The following ADAM7 variants were observed in gnomAD, a reference collection of about 807,000 sequenced individuals.
The protein encoded by ADAM7 is ADAM metallopeptidase domain 7, also known as disintegrin and metalloproteinase domain-containing protein 7.
A neutral mutation model predicts 102.9 loss-of-function variants in ADAM7; 97 were observed. That is an observed-to-expected ratio of 0.94 (90% CI 0.80 to 1.12). The LOEUF is 1.12. Ranked by LOEUF, ADAM7 falls within the 50% of genes most tolerant of loss-of-function variation. ADAM7 has a pLI of 0.00. For synonymous variants in ADAM7, 334 were observed against 304.4 expected, an observed-to-expected ratio of 1.10 and a Z score of -1.01; for missense variants, 991 against 908.7, an observed-to-expected ratio of 1.09 and a Z score of -1.16.
intron 3 of ADAM7, among the ~76,000 whole-genome samples, chr8:24,457,357 C>T (rs1411410074): frequency 6.6e-6 from 1 of 152,028 alleles, no homozygotes; most frequent in Non-Finnish European, 1.5e-5. Context: ...CTCACTGCAA[C>T]CTCTGCCTCC....
chr8:24,469,905 C>T (rs1819549103), intron 7 of ADAM7, among the ~76,000 whole-genome samples: 1 of 151,942 alleles, frequency 6.6e-6, no homozygotes, highest in Non-Finnish European at 1.5e-5. Flanking sequence ...AGAGAAACCA[C>T]CATTTCTCCA....
chr8:24,468,867 C>A, intron 7 of ADAM7, 47 bp downstream of exon 7: 2 of 1,511,416 alleles, frequency 1.3e-6, no homozygotes, highest in Non-Finnish European at 1.8e-6. Context: ...CCTTTTGGAA[C>A]TTGTAGTTAT....
At chr8:24,446,680 A>C (rs1818570014) in intron 2 of ADAM7, among the ~76,000 whole-genome samples, 1 of 151,958 alleles carries the variant, frequency 6.6e-6, no homozygotes, top group Admixed American at 6.6e-5. Context: ...TGCAAAGTAG[A>C]CGAAAAAACA....
chr8:24,452,463 G>A (rs1204098001), intron 3 of ADAM7, among the ~76,000 whole-genome samples: 2 of 151,016 alleles, frequency 1.3e-5, no homozygotes, highest in African/African-American at 4.9e-5. Flanking sequence ...TCAGAGACTA[G>A]GATTGCAACC....
At chr8:24,475,319 C>CA (rs1239205184) in intron 7 of ADAM7, among the ~76,000 whole-genome samples, 1 of 152,096 alleles carries the variant, frequency 6.6e-6, no homozygotes, top group East Asian at 1.9e-4. Flanking sequence ...TTTTATCAAT[C>CA]AATCAATGGA....
At chr8:24,497,331 T>G (rs1193470557) in intron 16 of ADAM7, among the ~76,000 whole-genome samples, 1 of 152,198 alleles carries the variant, frequency 6.6e-6, no homozygotes, top group Non-Finnish European at 1.5e-5. Context: ...GTTGAAAGAT[T>G]TCCTCCTTTA....
intron 3 of ADAM7, among the ~76,000 whole-genome samples, chr8:24,450,809 T>G (rs2129375062): frequency 6.6e-6 from 1 of 152,306 alleles, no homozygotes; most frequent in African/African-American, 2.4e-5. Context: ...CTCTTATTAT[T>G]TTGAGATACA....
In ADAM7 at chr8:24,496,093, G is replaced by T. The variant is rs528598930; in HGVS notation, c.1842+2864G>T. ...CGTGCTGTGTGCAGTTTAGGGACTT[G>T]GTGCCCTGAGTCCCAGCCACTCCAG... On this transcript the variant is annotated intron_variant, in intron 16 of 21. Coordinates refer to ENST00000175238, the MANE Select transcript of ADAM7 (RefSeq NM_003817.4). 6.6e-4 allele frequency among the ~76,000 whole-genome samples: 100 copies of T among 152,298 alleles called. 1 individual carries two copies. Among genetic ancestry groups the T allele is most frequent in the African/African-American group, 2.3e-3 (97 of 41,560 alleles).
chr8:24,489,143 C>G lies in ADAM7; in HGVS notation c.1092-16C>G. 6.3e-7 allele frequency: 1 copy of G among 1,589,896 alleles called. No individual in the cohort carries two copies. Among genetic ancestry groups the G allele is most frequent in the Non-Finnish European group, 8.6e-7 (1 of 1,168,886 alleles). Reference sequence around the variant, plus strand: ...TGATATGATTAATCTTTATTTTTACCTCATTCTATCTCTAGCATTCCTGCA... The same window carrying G: ...TGATATGATTAATCTTTATTTTTACGTCATTCTATCTCTAGCATTCCTGCA... On this transcript the variant is annotated splice_polypyrimidine_tract_variant and intron_variant, in intron 11 of 21. Transcript: ENST00000175238.
At chr8:24,469,747 A>G (rs1259748718) in intron 7 of ADAM7, among the ~76,000 whole-genome samples, 1 of 152,180 alleles carries the variant, frequency 6.6e-6, no homozygotes, top group African/African-American at 2.4e-5. Context: ...TGAAATGACT[A>G]GAAAAGACTG....
At chr8:24,453,723 C>T (rs545292898) in intron 3 of ADAM7, among the ~76,000 whole-genome samples, 8 of 152,318 alleles carry the variant, frequency 5.3e-5, no homozygotes, top group South Asian at 2.1e-4. Flanking sequence ...GGAGGAGAGG[C>T]GCTCTCCTTT....
chr8:24,499,117 T>C, intron 16 of ADAM7, 119 bp from the exon 17 acceptor site: 1 of 693,872 alleles, frequency 1.4e-6, no homozygotes, highest in Non-Finnish European at 2.3e-6. Flanking sequence ...TCATGTAAAT[T>C]GAAATTTTTC....
chr8:24,475,925 C>A, intron 7 of ADAM7: 2 of 456,448 alleles, frequency 4.4e-6, no homozygotes, highest in Non-Finnish European at 8.8e-6. Context: ...GTAGCTATTT[C>A]CTGGAGGGAA....
In ADAM7 at chr8:24,500,785, T is replaced by A. The variant is rs868440798; in HGVS notation, c.2003-5T>A. ...CGATGAAGCCCATGTTTCTTCATGT[T>A]GCAGATATCACCATCTTGGTTGTTG... On this transcript the variant is annotated splice_region_variant and splice_polypyrimidine_tract_variant and intron_variant, in intron 18 of 21. Coordinates refer to ENST00000175238, the MANE Select transcript of ADAM7 (RefSeq NM_003817.4). The A allele has an allele frequency of 6.2e-7, 1 of 1,610,866 alleles. No individual in the cohort carries two copies. Among genetic ancestry groups the A allele is most frequent in the Middle Eastern group, 1.7e-4 (1 of 6,048 alleles).
chr8:24,502,942 A>G lies in ADAM7; in HGVS notation c.2208+1366A>G, dbSNP rs145185548. On this transcript the variant is annotated intron_variant, in intron 20 of 21. Coordinates refer to ENST00000175238, the MANE Select transcript of ADAM7 (RefSeq NM_003817.4). The stretch of plus-strand genomic sequence containing the variant: ...AAGAAAAAGCACTACTAACTAATAC[A>G]CTAACAAATATAGGTGCATGAATTA... Among the ~76,000 whole-genome samples the G allele has an allele frequency of 9.9e-5, 15 of 152,252 alleles. No homozygotes were observed. The East Asian group carries it at 2.9e-3, about 29-fold the overall frequency.
At chr8:24,486,357 T>G (rs189303724) in intron 10 of ADAM7, among the ~76,000 whole-genome samples, 10 of 152,330 alleles carry the variant, frequency 6.6e-5, no homozygotes, top group Non-Finnish European at 1.2e-4. Context: ...ATATCTGACA[T>G]TTAAGTTTTT....
intron 3 of ADAM7, among the ~76,000 whole-genome samples, chr8:24,449,787 A>G (rs77243630): frequency 0.065 from 9,841 of 152,276 alleles, 485 homozygotes; most frequent in African/African-American, 0.13. Flanking sequence ...CTTTAGGTCT[A>G]AAGTTTAAGT....
Position 24,492,983 on chromosome 8 carries a change from A to G in ADAM7, c.1656-60A>G, listed in dbSNP as rs907445675. The G allele has an allele frequency of 2.7e-6, 4 of 1,482,584 alleles. No homozygotes were observed. The South Asian group carries it at 4.3e-5, about 16-fold the overall frequency. 91.8% of individuals were successfully genotyped at this position (1,482,584 alleles called of 1,614,324 possible). ...AGAGTGACCGGGAGGCTCCATTGCC[A>G]GCCTAGTCTCAAAAGTTGTATTTCT... On this transcript the variant is annotated intron_variant, in intron 15 of 21. Transcript: ENST00000175238.
intron 7 of ADAM7, among the ~76,000 whole-genome samples, chr8:24,475,027 A>T (rs1208733447): frequency 6.6e-6 from 1 of 152,184 alleles, no homozygotes; most frequent in Non-Finnish European, 1.5e-5. Flanking sequence ...TCTCCACAAT[A>T]ATGAGGAATT....
Sources: allele counts gnomAD v4.1 joint callset (sites outside exome capture counted in the v4.1 genomes callset), GRCh38; gene constraint gnomAD v4.1.1; transcripts MANE v1.5; gene names NCBI Gene and HGNC (gene_info 2026-07-23, HGNC 2026-07-21).